SYT6: variants seen among roughly 807,000 people sequenced by gnomAD.
SYT6 encodes synaptotagmin 6.
SYT6 carries 24 observed loss-of-function variants against 38.4 expected under a neutral mutation model. The ratio of observed to expected loss-of-function variants is 0.62; its 90% CI spans 0.45 to 0.88. SYT6 has a LOEUF of 0.88. Among genes scored for constraint, SYT6 ranks in the 40% least tolerant of loss-of-function variants. The pLI is 0.00. For missense variants in SYT6, 611 were observed against 621.0 expected (o/e 0.98, Z 0.17); for synonymous variants, 265 against 241.9 (o/e 1.10, Z -0.89).
At chr1:114,138,100 G>A in intron 2 of SYT6, 47 bp from the exon 3 acceptor site, 1 of 1,553,876 alleles carries the variant, frequency 6.4e-7, no homozygotes, top group Non-Finnish European at 8.7e-7. Flanking sequence ...CAGGGCTCAG[G>A]GGAAGGGGGA....
intron 1 of SYT6, among the ~76,000 whole-genome samples, chr1:114,143,051 T>C (rs1406698302): frequency 6.6e-6 from 1 of 151,444 alleles, no homozygotes; most frequent in Non-Finnish European, 1.5e-5. Flanking sequence ...ACCATATGAA[T>C]AGGATTCACC....
chr1:114,109,663 TG>T (rs1676553394), intron 3 of SYT6, among the ~76,000 whole-genome samples: 2 of 152,196 alleles, frequency 1.3e-5, no homozygotes, highest in Non-Finnish European at 2.9e-5. Flanking sequence ...TTATTACTAC[TG>T]TTATAAAGAG....
At chr1:114,147,016 G>A (rs1679190705) in intron 1 of SYT6, among the ~76,000 whole-genome samples, 1 of 152,188 alleles carries the variant, frequency 6.6e-6, no homozygotes, top group South Asian at 2.1e-4. Context: ...ACAGTCCTTA[G>A]TTTTGAAATT....
At chr1:114,115,715 C>T (rs1287277174) in intron 3 of SYT6, among the ~76,000 whole-genome samples, 4 of 152,092 alleles carry the variant, frequency 2.6e-5, no homozygotes, top group African/African-American at 9.7e-5. Flanking sequence ...GCACCCAGCT[C>T]TTAACACATA....
At chr1:114,112,177 C>T (rs1214105650) in intron 3 of SYT6, among the ~76,000 whole-genome samples, 3 of 152,216 alleles carry the variant, frequency 2.0e-5, no homozygotes, top group Non-Finnish European at 4.4e-5. Context: ...TCAGTATACT[C>T]CAGCTTCACC....
intron 3 of SYT6, among the ~76,000 whole-genome samples, chr1:114,134,565 G>A (rs1031778767): frequency 5.9e-5 from 9 of 152,290 alleles, no homozygotes; most frequent in East Asian, 1.9e-4. Flanking sequence ...GAGAACACAC[G>A]GGAGAGGCAG....
intron 2 of SYT6, 81 bp from the exon 3 acceptor site, chr1:114,138,134 G>A (rs1678622300): frequency 1.5e-6 from 2 of 1,362,960 alleles, no homozygotes; most frequent in East Asian, 2.4e-5. Flanking sequence ...GAGCCTGGAG[G>A]CCCTGGCTCA....
At chr1:114,117,469 G>A (rs903438415) in intron 3 of SYT6, among the ~76,000 whole-genome samples, 2 of 152,238 alleles carry the variant, frequency 1.3e-5, no homozygotes, top group Non-Finnish European at 2.9e-5. Flanking sequence ...GTCAGCAAAA[G>A]TTGGAGGAAG....
intron 3 of SYT6, among the ~76,000 whole-genome samples, chr1:114,134,681 G>A (rs1027837921): frequency 1.3e-5 from 2 of 152,196 alleles, no homozygotes; most frequent in African/African-American, 2.4e-5. Flanking sequence ...GCCTGACATG[G>A]AGAACCTTGT....
At chr1:114,095,939 C>T (rs983201536) in intron 6 of SYT6, among the ~76,000 whole-genome samples, 21 of 152,156 alleles carry the variant, frequency 1.4e-4, no homozygotes, top group African/African-American at 4.6e-4. Flanking sequence ...GGATTACAGG[C>T]ATGAGCCACT....
rs531593752 is a variant in SYT6, at chr1:114,149,223, G to GTGTGTGTGTGTGTGTGTGCGCGCA, written c.163+4386_163+4387insTGCGCGCACACACACACACACACA. Among the ~76,000 whole-genome samples the GTGTGTGTGTGTGTGTGTGCGCGCA allele has an allele frequency of 8.2e-3, 1,091 of 133,326 alleles. 31 individuals carry two copies. The East Asian group carries it at 0.093, about 11-fold the overall frequency. The allele number at this position is 133,326 out of a possible 152,430, so 87.5% of individuals were successfully genotyped here. ...AGAGAGAGAGAGAGAGAGATTGTGT[G>GTGTGTGTGTGTGTGTGTGCGCGCA]TGTGTGTGTGTGTGTGTTGGGAGAA... is the stretch of plus-strand genomic sequence containing the variant. On this transcript the variant is annotated intron_variant, in intron 1 of 7. Transcript: ENST00000610222.
chr1:114,128,191 T>A (rs1677855837), intron 3 of SYT6, among the ~76,000 whole-genome samples: 1 of 152,222 alleles, frequency 6.6e-6, no homozygotes, highest in African/African-American at 2.4e-5. Context: ...GGGGCTTCCG[T>A]GTAACCCTGA....
At chr1:114,122,209 A>G (rs886498946) in intron 3 of SYT6, among the ~76,000 whole-genome samples, 2 of 152,190 alleles carry the variant, frequency 1.3e-5, no homozygotes, top group African/African-American at 4.8e-5. Flanking sequence ...CTCCCTTCTC[A>G]ACACATGAGA....
At chr1:114,131,812 A>G (rs1173164268) in intron 3 of SYT6, among the ~76,000 whole-genome samples, 1 of 152,246 alleles carries the variant, frequency 6.6e-6, no homozygotes, top group Non-Finnish European at 1.5e-5. Flanking sequence ...GAAAGGGTAA[A>G]GGAATCCAAT....
At chr1:114,111,784 G>A (rs1224178999) in intron 3 of SYT6, among the ~76,000 whole-genome samples, 1 of 152,232 alleles carries the variant, frequency 6.6e-6, no homozygotes, top group East Asian at 1.9e-4. Context: ...GGAGGAGAGT[G>A]GAGACTGACG....
chr1:114,106,721 C>G (rs1676337894), intron 3 of SYT6, among the ~76,000 whole-genome samples: 1 of 152,102 alleles, frequency 6.6e-6, no homozygotes, highest in African/African-American at 2.4e-5. Context: ...ACACCACACC[C>G]CCATGGACCC....
intron 3 of SYT6, among the ~76,000 whole-genome samples, chr1:114,129,562 T>TC (rs1557755888): frequency 3.6e-5 from 5 of 139,456 alleles, no homozygotes; most frequent in Non-Finnish European, 6.2e-5. Flanking sequence ...TTTTTTTCTT[T>TC]CTTTTCTTTC....
chr1:114,130,353 G>A (rs2101066717), intron 3 of SYT6, among the ~76,000 whole-genome samples: 1 of 152,362 alleles, frequency 6.6e-6, no homozygotes, highest in South Asian at 2.1e-4. Flanking sequence ...TTGGCACTTA[G>A]CAGATGCTCA....
In SYT6 at chr1:114,099,118, A is replaced by C. The variant is rs1675817263; in HGVS notation, c.1340T>G (p.Leu447Arg). Reference sequence around the variant, plus strand: ...CCGATCATAGTCCATGACTGAGATGAGCAGGCTGACTTGATCCATGTTTTC... The same window carrying C: ...CCGATCATAGTCCATGACTGAGATGCGCAGGCTGACTTGATCCATGTTTTC... ...PPENMDQVSLLISVMDYDRVG... is the reference protein window; with the variant it reads ...PPENMDQVSLRISVMDYDRVG... The change falls in exon 5 of 8, where the codon CTC (leucine) becomes CGC (arginine). Residue 447 changes from leucine to arginine, a missense_variant. By Grantham distance (102) the Leu-to-Arg change is moderately radical. Transcript: ENST00000610222. 2 of 1,613,808 alleles carry C rather than the reference A, an allele frequency of 1.2e-6. No homozygotes were observed. The highest frequency in any genetic ancestry group is 1.3e-5 in the African/African-American group (1 of 75,050).
Sources: gnomAD v4.1 joint callset for allele counts (sites outside exome capture counted in the v4.1 genomes callset) on GRCh38, gnomAD v4.1.1 for gene constraint, MANE v1.5 for transcripts, NCBI Gene and HGNC (gene_info 2026-07-23, HGNC 2026-07-21) for gene names.